MAPK10: variants seen among roughly 807,000 people sequenced by gnomAD.
MAPK10 encodes the protein JNK3 alpha protein kinase.
MAPK10 carries 25 observed loss-of-function variants against 59.3 expected under a neutral mutation model. The ratio of observed to expected loss-of-function variants is 0.42; its 90% CI spans 0.31 to 0.59. The LOEUF (loss-of-function observed/expected upper bound fraction) is 0.59, where lower values mean the gene tolerates loss of function less well. Ranked by LOEUF, MAPK10 falls within the 20% of genes least tolerant of loss-of-function variation. MAPK10 has a pLI of 0.15. For missense variants in MAPK10, 351 were observed against 568.9 expected (o/e 0.62, Z 3.90); for synonymous variants, 190 against 200.5 (o/e 0.95, Z 0.44).
At chr4:86,400,451 T>TTC (rs371692594) in intron 1 of MAPK10, among the ~76,000 whole-genome samples, 7 of 150,758 alleles carry the variant, frequency 4.6e-5, no homozygotes, top group Non-Finnish European at 1.5e-5. Context: ...CTCTCTCTCT[T>TTC]TCTCTCTCTC....
chr4:86,169,754 C>T (rs2149255499), intron 3 of MAPK10, among the ~76,000 whole-genome samples: 1 of 151,876 alleles, frequency 6.6e-6, no homozygotes, highest in Middle Eastern at 3.4e-3. Flanking sequence ...CTCCAAGACA[C>T]ATAATTGTCA....
Position 86,132,418 on chromosome 4 carries a change from C to T in MAPK10, c.237-25066G>A, listed in dbSNP as rs571408771. Among the ~76,000 whole-genome samples, 17 of 152,116 alleles carry T rather than the reference C, an allele frequency of 1.1e-4. No individual in the cohort carries two copies. The East Asian group carries it at 3.3e-3, about 29-fold the overall frequency. ...TTATTGAGGAATAACAGGTCATGTG[C>T]CTTTGAAACTATACATTGACTATGT... is the stretch of plus-strand genomic sequence containing the variant. On this transcript the variant is annotated intron_variant, in intron 4 of 13. Coordinates refer to ENST00000641462, the MANE Select transcript of MAPK10 (RefSeq NM_138982.4).
At chr4:86,590,245 T>C (rs1762941222) in intron 1 of MAPK10, among the ~76,000 whole-genome samples, 1 of 152,154 alleles carries the variant, frequency 6.6e-6, no homozygotes, top group Admixed American at 6.6e-5. Flanking sequence ...AAGAAATAAC[T>C]AGGTTTCTCA....
chr4:86,423,500 T>C (rs1746801148), intron 1 of MAPK10, among the ~76,000 whole-genome samples: 1 of 152,162 alleles, frequency 6.6e-6, no homozygotes, highest in South Asian at 2.1e-4. Flanking sequence ...TGGCAGTGGC[T>C]GTTACAAATT....
At chr4:86,589,000 G>C (rs548293614) in intron 1 of MAPK10, among the ~76,000 whole-genome samples, 2 of 152,082 alleles carry the variant, frequency 1.3e-5, no homozygotes, top group Non-Finnish European at 2.9e-5. Flanking sequence ...TCGTTTCTGT[G>C]GGGGGAAAGC....
chr4:86,067,644 A>G, intron 10 of MAPK10, 129 bp downstream of exon 10: 1 of 770,974 alleles, frequency 1.3e-6, no homozygotes, highest in Non-Finnish European at 2.0e-6. Context: ...TCCCACAAAA[A>G]TGTACGATTA....
At chr4:86,249,288 G>C (rs2093292163) in intron 2 of MAPK10, among the ~76,000 whole-genome samples, 1 of 152,092 alleles carries the variant, frequency 6.6e-6, no homozygotes, top group South Asian at 2.1e-4. Context: ...TGCTAGCATT[G>C]GTTTAGTGGC....
intron 2 of MAPK10, among the ~76,000 whole-genome samples, chr4:86,277,661 T>C (rs775103670): frequency 5.1e-4 from 77 of 152,306 alleles, no homozygotes; most frequent in Non-Finnish European, 9.4e-4. Context: ...CAGAGTAAGA[T>C]GCTTAATAAC....
At chr4:86,569,855 G>A (rs1041451124) in intron 1 of MAPK10, among the ~76,000 whole-genome samples, 1 of 152,030 alleles carries the variant, frequency 6.6e-6, no homozygotes, top group African/African-American at 2.4e-5. Context: ...TCAGTACAAT[G>A]CACACTATTC....
intron 1 of MAPK10, among the ~76,000 whole-genome samples, chr4:86,548,145 C>T (rs560820546): frequency 6.6e-5 from 10 of 152,106 alleles, no homozygotes; most frequent in Non-Finnish European, 1.3e-4. Context: ...TAACACTCAC[C>T]GCGAAGGTCT....
At chr4:86,132,465 A>C (rs1374959443) in intron 4 of MAPK10, among the ~76,000 whole-genome samples, 1 of 152,240 alleles carries the variant, frequency 6.6e-6, no homozygotes, top group African/African-American at 2.4e-5. Context: ...ATGCATTTTT[A>C]AGGCTAAGTC....
chr4:86,551,161 G>A (rs532843269), intron 1 of MAPK10, among the ~76,000 whole-genome samples: 6 of 152,082 alleles, frequency 3.9e-5, no homozygotes, highest in Non-Finnish European at 8.8e-5. Context: ...AAAAAGGATG[G>A]GTAGTTAACC....
At chr4:86,045,299 G>A (rs1383005800) in intron 11 of MAPK10, among the ~76,000 whole-genome samples, 6 of 151,896 alleles carry the variant, frequency 4.0e-5, no homozygotes, top group Non-Finnish European at 8.8e-5. Context: ...TTCAGTAATT[G>A]CACCACCAAT....
At chr4:86,262,492 A>G (rs2094034370) in intron 2 of MAPK10, among the ~76,000 whole-genome samples, 1 of 152,214 alleles carries the variant, frequency 6.6e-6, no homozygotes. Flanking sequence ...ATAATAGAAT[A>G]ATACATAAGT....
At chr4:86,243,234 T>G in intron 2 of MAPK10, among the ~76,000 whole-genome samples, 1 of 152,350 alleles carries the variant, frequency 6.6e-6, no homozygotes, top group South Asian at 2.1e-4. Flanking sequence ...TAAGCCATCT[T>G]GGCCCCACTC....
At chr4:86,424,009 T>C (rs1005826377) in intron 1 of MAPK10, among the ~76,000 whole-genome samples, 59 of 152,026 alleles carry the variant, frequency 3.9e-4, no homozygotes, top group Non-Finnish European at 6.9e-4. Flanking sequence ...AAGAAGTGCC[T>C]GTAAGAGATC....
At chr4:86,341,622 G>GA (rs1276645900) in intron 2 of MAPK10, among the ~76,000 whole-genome samples, 1 of 151,984 alleles carries the variant, frequency 6.6e-6, no homozygotes, top group Non-Finnish European at 1.5e-5. Flanking sequence ...AGGAATATAT[G>GA]AAAGAGCAAT....
At chr4:86,098,865 T>C in intron 8 of MAPK10, 1 of 336,634 alleles carries the variant, frequency 3.0e-6, no homozygotes, top group South Asian at 6.0e-5. Context: ...GTGGTGACAT[T>C]GGTGACTGAG....
intron 1 of MAPK10, among the ~76,000 whole-genome samples, chr4:86,368,987 A>T (rs1272091464): frequency 2.0e-5 from 3 of 152,214 alleles, no homozygotes; most frequent in Non-Finnish European, 4.4e-5. Context: ...AGATAAAGAA[A>T]GTTATTCTTG....
Sources: gnomAD v4.1 joint callset for allele counts (sites outside exome capture counted in the v4.1 genomes callset) on GRCh38, gnomAD v4.1.1 for gene constraint, MANE v1.5 for transcripts, NCBI Gene and HGNC (gene_info 2026-07-23, HGNC 2026-07-21) for gene names.